PAIP2: variants seen among roughly 807,000 people sequenced by gnomAD.
PAIP2 encodes the protein poly(A) binding protein interacting protein 2.
A neutral mutation model predicts 14.8 loss-of-function variants in PAIP2; 7 were observed. The ratio of observed to expected loss-of-function variants is 0.47; its 90% confidence interval spans 0.27 to 0.89. The LOEUF (loss-of-function observed/expected upper bound fraction) is 0.89, where lower values mean the gene tolerates loss of function less well. PAIP2 is among the 40% of genes least tolerant of loss of function. The probability of loss-of-function intolerance (pLI) is 0.13; values close to 1 mark genes in which losing one functional copy is unlikely to be tolerated. For synonymous variants in PAIP2, 47 were observed against 45.3 expected (o/e 1.04, Z -0.15); for missense variants, 122 against 154.7 (o/e 0.79, Z 1.12).
chr5:139,345,494 C>T (rs920318232), intron 1 of PAIP2, among the ~76,000 whole-genome samples: 16 of 151,970 alleles, frequency 1.1e-4, no homozygotes, highest in African/African-American at 3.1e-4. Context: ...CGTATATATG[C>T]GTAAAATACG....
At chr5:139,354,739 T>C (rs1381001617) in intron 1 of PAIP2, among the ~76,000 whole-genome samples, 1 of 152,154 alleles carries the variant, frequency 6.6e-6, no homozygotes, top group African/African-American at 2.4e-5. Context: ...CAATTGACCT[T>C]AACTTAAATT....
At chr5:139,359,125 C>T (rs1756999491) in intron 1 of PAIP2, among the ~76,000 whole-genome samples, 2 of 152,102 alleles carry the variant, frequency 1.3e-5, no homozygotes, top group South Asian at 2.1e-4. Context: ...CAGGCGTGCA[C>T]CACCACACCC....
At chr5:139,355,384 C>T (rs1347540569) in intron 1 of PAIP2, among the ~76,000 whole-genome samples, 1 of 152,008 alleles carries the variant, frequency 6.6e-6, no homozygotes, top group Non-Finnish European at 1.5e-5. Context: ...GTTGTCCAGG[C>T]TGGGCTTGAA....
chr5:139,352,005 G>C (rs1273198934), intron 1 of PAIP2, among the ~76,000 whole-genome samples: 1 of 152,000 alleles, frequency 6.6e-6, no homozygotes, highest in East Asian at 1.9e-4. Context: ...AATACTGAAA[G>C]CATAAAGTGA....
intron 1 of PAIP2, chr5:139,343,031 C>G (rs892636011): frequency 6.6e-6 from 1 of 152,154 alleles, no homozygotes; most frequent in African/African-American, 2.4e-5. Context: ...TCACAGATTT[C>G]ATTAGCACAG....
chr5:139,366,073 C>T (rs1392085222), intron 3 of PAIP2, among the ~76,000 whole-genome samples: 1 of 151,600 alleles, frequency 6.6e-6, no homozygotes, highest in East Asian at 1.9e-4. Context: ...TGTGGTGGTG[C>T]GTGCCTGTAA....
Position 139,345,606 on chromosome 5 carries a change from CAGAAG to C in PAIP2, c.-27+3631_-27+3635del, listed in dbSNP as rs1438204048. ...TATGGAGGTAGATTAATGAAAGAAACAGAAGAGAACTATGCTTGAATTTTTTTTTT... is the reference window on the plus strand; with the variant it reads ...TATGGAGGTAGATTAATGAAAGAAACAGAACTATGCTTGAATTTTTTTTTT... On this transcript the variant is annotated intron_variant, in intron 1 of 3. Coordinates refer to ENST00000265192, the MANE Select transcript of PAIP2 (RefSeq NM_016480.5). 5.3e-5 allele frequency among the ~76,000 whole-genome samples: 8 copies of C among 150,806 alleles called. No individual in the cohort carries two copies. The South Asian group carries it at 1.0e-3, about 20-fold the overall frequency.
chr5:139,357,465 C>T (rs968450987), intron 1 of PAIP2, among the ~76,000 whole-genome samples: 1 of 152,192 alleles, frequency 6.6e-6, no homozygotes, highest in Non-Finnish European at 1.5e-5. Context: ...TGCCCCACCT[C>T]ACTCCCCATA....
At position 139,363,801 on chromosome 5, in the gene PAIP2, G is replaced by T; in HGVS notation, c.17G>T (p.Arg6Leu). 1 of 1,613,796 alleles carries T rather than the reference G, an allele frequency of 6.2e-7. No individual in the cohort carries two copies. Among genetic ancestry groups the T allele is most frequent in the Non-Finnish European group, 8.5e-7 (1 of 1,179,888 alleles). MKDPSRSSTSPSIINE... is the reference protein window; with the variant it reads MKDPSLSSTSPSIINE... ...ACATCAGCCATGAAAGATCCAAGTC[G>T]CAGCAGTACTAGCCCAAGCATCATC... The change falls in exon 2 of 4, where the codon CGC becomes CTC. Residue 6 changes from arginine (R) to leucine (L), a missense_variant. By Grantham distance (102) the Arg-to-Leu change is moderately radical. Coordinates refer to ENST00000265192, the MANE Select transcript of PAIP2 (RefSeq NM_016480.5).
intron 1 of PAIP2, among the ~76,000 whole-genome samples, chr5:139,345,198 G>C (rs1433204547): frequency 6.6e-6 from 1 of 151,890 alleles, no homozygotes; most frequent in Non-Finnish European, 1.5e-5. Context: ...ACCACACCTG[G>C]CTACTTTTGT....
Position 139,364,781 on chromosome 5 carries a change from A to G in PAIP2, c.318+38A>G, listed in dbSNP as rs535582694. The G allele has an allele frequency of 2.2e-6, 3 of 1,353,776 alleles. No homozygotes were observed. The South Asian group carries it at 3.7e-5, about 17-fold the overall frequency. The allele number at this position is 1,353,776 out of a possible 1,614,324, so 83.9% of individuals were successfully genotyped here. A position where few individuals can be genotyped will look rare whatever the true frequency, so the allele number is the denominator to read the frequency against. On this transcript the variant is annotated intron_variant, in intron 3 of 3. Coordinates refer to ENST00000265192, the MANE Select transcript of PAIP2 (RefSeq NM_016480.5). ...TTTTCATCTTTTTAAAACCTAGTGC[A>G]TCTTTTGCATAAGTGGAAAAGCCAG...
At chr5:139,364,899 C>A (rs1041393731) in intron 3 of PAIP2, 156 bp downstream of exon 3, 5 of 519,808 alleles carry the variant, frequency 9.6e-6, no homozygotes, top group African/African-American at 7.8e-5. Flanking sequence ...AATCCCAGCA[C>A]TTTGGGAGGC....
At chr5:139,344,286 A>G (rs1201424824) in intron 1 of PAIP2, among the ~76,000 whole-genome samples, 1 of 152,216 alleles carries the variant, frequency 6.6e-6, no homozygotes, top group East Asian at 1.9e-4. Flanking sequence ...TGACAGGTCT[A>G]GGGTACTTTA....
chr5:139,347,929 C>T (rs1322513149), intron 1 of PAIP2, among the ~76,000 whole-genome samples: 8 of 151,976 alleles, frequency 5.3e-5, no homozygotes, highest in South Asian at 2.1e-4. Context: ...CCCAGCACTT[C>T]GGGAGGCCGA....
intron 1 of PAIP2, among the ~76,000 whole-genome samples, chr5:139,345,037 G>C (rs1476299388): frequency 6.7e-6 from 1 of 149,032 alleles, no homozygotes; most frequent in Non-Finnish European, 1.5e-5. Context: ...ATGGGTTTTT[G>C]TTGTTGTTGT....
chr5:139,351,895 A>G (rs140397100), intron 1 of PAIP2, among the ~76,000 whole-genome samples: 13 of 152,284 alleles, frequency 8.5e-5, no homozygotes, highest in Non-Finnish European at 1.3e-4. Context: ...CCTGACCCCA[A>G]GTGATCCTCC....
intron 1 of PAIP2, among the ~76,000 whole-genome samples, chr5:139,351,041 A>G (rs181583199): frequency 6.6e-6 from 1 of 152,168 alleles, no homozygotes; most frequent in Non-Finnish European, 1.5e-5. Flanking sequence ...TATAATCTCA[A>G]TGTGGGAAAA....
chr5:139,354,006 G>A (rs1047045561), intron 1 of PAIP2, among the ~76,000 whole-genome samples: 3 of 152,326 alleles, frequency 2.0e-5, no homozygotes, highest in Middle Eastern at 3.4e-3. Context: ...ACAGGCATGA[G>A]CCACTGTGCC....
intron 1 of PAIP2, among the ~76,000 whole-genome samples, chr5:139,349,667 A>T (rs1261748550): frequency 6.6e-6 from 1 of 152,194 alleles, no homozygotes; most frequent in African/African-American, 2.4e-5. Flanking sequence ...AGTAAACATG[A>T]AATTATTATG....
Sources: allele counts gnomAD v4.1 joint callset (sites outside exome capture counted in the v4.1 genomes callset), GRCh38; gene constraint gnomAD v4.1.1; transcripts MANE v1.5; gene names NCBI Gene and HGNC (gene_info 2026-07-23, HGNC 2026-07-21).